HDAC9: variants seen among roughly 807,000 people sequenced by gnomAD.
HDAC9 encodes MEF-2 interacting transcription repressor (MITR) protein.
A neutral mutation model predicts 139.4 loss-of-function variants in HDAC9; 41 were observed. The observed-to-expected ratio is 0.29, with a 90% confidence interval of 0.23 to 0.38. The LOEUF (loss-of-function observed/expected upper bound fraction) is 0.38, where lower values mean the gene tolerates loss of function less well. Among genes scored for constraint, HDAC9 ranks in the 10% least tolerant of loss-of-function variants. The probability of loss-of-function intolerance (pLI) is 1.00; values close to 1 mark genes in which losing one functional copy is unlikely to be tolerated. For synonymous variants in HDAC9, 517 were observed against 476.2 expected, an observed-to-expected ratio of 1.09 and a Z score of -1.12; for missense variants, 1,147 against 1,297.0, an observed-to-expected ratio of 0.88 and a Z score of 1.78.
chr7:18,673,272 A>G (rs1222217262), intron 12 of HDAC9, among the ~76,000 whole-genome samples: 3 of 151,942 alleles, frequency 2.0e-5, no homozygotes, highest in African/African-American at 7.2e-5. Flanking sequence ...AAACAACAGC[A>G]TGTCTTTAAA....
intron 2 of HDAC9, among the ~76,000 whole-genome samples, chr7:18,163,545 C>A (rs1382636562): frequency 6.6e-6 from 1 of 152,138 alleles, no homozygotes; most frequent in African/African-American, 2.4e-5. Context: ...CTTGACAATG[C>A]TGTTGCTGCT....
intron 1 of HDAC9, among the ~76,000 whole-genome samples, chr7:18,410,690 T>C (rs1240450132): frequency 6.6e-6 from 1 of 152,188 alleles, no homozygotes; most frequent in Non-Finnish European, 1.5e-5. Flanking sequence ...CAGGAATGTA[T>C]TTCCTTATTT....
intron 1 of HDAC9, among the ~76,000 whole-genome samples, chr7:18,356,705 A>G (rs1320538970): frequency 2.0e-5 from 3 of 152,166 alleles, no homozygotes; most frequent in Non-Finnish European, 2.9e-5. Flanking sequence ...GTATTTGCAC[A>G]TGGGGGAGGG....
At chr7:18,732,809 ACACACACGTGTGTATGTGTGCGTATGTG>A (rs1786320169) in intron 13 of HDAC9, among the ~76,000 whole-genome samples, 1 of 82,530 alleles carries the variant, frequency 1.2e-5, no homozygotes, top group African/African-American at 6.9e-5. Context: ...GCGTATGTGT[ACACACACGTGTGTATGTGTGCGTATGTG>A]TACACACACG....
intron 1 of HDAC9, among the ~76,000 whole-genome samples, chr7:18,111,443 G>A (rs187302280): frequency 7.9e-5 from 12 of 152,246 alleles, no homozygotes; most frequent in African/African-American, 2.9e-4. Flanking sequence ...GAAAAGAGTG[G>A]CAGAGTATCA....
At chr7:18,256,370 T>C (rs1045610718) in intron 2 of HDAC9, among the ~76,000 whole-genome samples, 20 of 152,272 alleles carry the variant, frequency 1.3e-4, no homozygotes, top group African/African-American at 4.8e-4. Flanking sequence ...AATACAATTC[T>C]GTAGGAGTTT....
chr7:18,796,572 A>G (rs1792820433), intron 17 of HDAC9, among the ~76,000 whole-genome samples: 1 of 152,198 alleles, frequency 6.6e-6, no homozygotes, highest in Non-Finnish European at 1.5e-5. Context: ...TAAACAATAC[A>G]TTTTTAAAAA....
intron 1 of HDAC9, among the ~76,000 whole-genome samples, chr7:18,447,752 C>T (rs1249865812): frequency 6.6e-6 from 1 of 152,150 alleles, no homozygotes; most frequent in Non-Finnish European, 1.5e-5. Context: ...TTTGTGAAAT[C>T]TATGAATTTG....
intron 6 of HDAC9, among the ~76,000 whole-genome samples, chr7:18,614,771 C>T (rs1253043060): frequency 6.6e-6 from 1 of 152,106 alleles, no homozygotes; most frequent in Non-Finnish European, 1.5e-5. Context: ...AAATAGTGTT[C>T]TTCTTTGAGC....
At chr7:18,308,575 G>A (rs1004909943) in intron 1 of HDAC9, among the ~76,000 whole-genome samples, 1 of 152,114 alleles carries the variant, frequency 6.6e-6, no homozygotes, top group Non-Finnish European at 1.5e-5. Flanking sequence ...TTGAAGATGT[G>A]CTACTTCATG....
chr7:18,560,939 C>T (rs1401711761), intron 2 of HDAC9, among the ~76,000 whole-genome samples: 1 of 152,146 alleles, frequency 6.6e-6, no homozygotes, highest in Non-Finnish European at 1.5e-5. Flanking sequence ...CCGTGCTCTC[C>T]TCCTGGCATT....
chr7:18,948,872 T>C (rs1782588831), intron 23 of HDAC9: 1 of 209,826 alleles, frequency 4.8e-6, no homozygotes, highest in Non-Finnish European at 1.0e-5. Flanking sequence ...AGACAGAAAT[T>C]TTCTAACAAG....
chr7:18,447,491 T>C (rs986325941), intron 1 of HDAC9, among the ~76,000 whole-genome samples: 5 of 152,200 alleles, frequency 3.3e-5, no homozygotes, highest in African/African-American at 1.2e-4. Context: ...TGTTAGCCCA[T>C]GTAGAGGAAA....
At chr7:18,491,626 C>A (rs1431062292), upstream of HDAC9, among the ~76,000 whole-genome samples, 2 of 152,080 alleles carry the variant, frequency 1.3e-5, no homozygotes, top group African/African-American at 4.8e-5. Context: ...ATCTTTCTTT[C>A]ATTTATTGAA....
At chr7:18,725,131 A>G (rs962052826) in intron 12 of HDAC9, among the ~76,000 whole-genome samples, 1 of 152,190 alleles carries the variant, frequency 6.6e-6, no homozygotes, top group Non-Finnish European at 1.5e-5. Flanking sequence ...CCCAAAGCCT[A>G]TGATATGCTT....
intron 1 of HDAC9, among the ~76,000 whole-genome samples, chr7:18,102,796 A>T (rs768004419): frequency 6.6e-6 from 1 of 152,204 alleles, no homozygotes; most frequent in African/African-American, 2.4e-5. Context: ...GTTATGTGCA[A>T]CTTCCAAGTA....
At chr7:18,867,373 T>G (rs1288989093) in intron 21 of HDAC9, among the ~76,000 whole-genome samples, 1 of 152,208 alleles carries the variant, frequency 6.6e-6, no homozygotes, top group Non-Finnish European at 1.5e-5. Flanking sequence ...TGCACTTTCT[T>G]GCTTTGCAAA....
chr7:18,199,774 A>G lies in HDAC9; in HGVS notation c.25+37425A>G, dbSNP rs565487340. Among the ~76,000 whole-genome samples, 216 of 150,836 alleles carry G rather than the reference A, an allele frequency of 1.4e-3. 1 individual carries two copies. Among genetic ancestry groups the G allele is most frequent in the African/African-American group, 5.0e-3 (205 of 41,054 alleles). On this transcript the variant is annotated intron_variant, in intron 2 of 12. Transcript: ENST00000417496. ...TCTACCAAAAAAAAAAAAAAAAAAA[A>G]AAAAAGGCTGTGCTTAGTGTTGCAC...
intron 1 of HDAC9, among the ~76,000 whole-genome samples, chr7:18,407,512 T>C (rs1158252360): frequency 1.3e-5 from 2 of 152,134 alleles, no homozygotes; most frequent in Non-Finnish European, 2.9e-5. Context: ...TCAAAGTCAA[T>C]GTGCAGCCTT....
Sources: gnomAD v4.1 joint callset for allele counts (sites outside exome capture counted in the v4.1 genomes callset) on GRCh38, gnomAD v4.1.1 for gene constraint, MANE v1.5 for transcripts, NCBI Gene and HGNC (gene_info 2026-07-23, HGNC 2026-07-21) for gene names.